The following PTPRC variants were observed in gnomAD, a reference collection of about 807,000 sequenced individuals.
PTPRC encodes receptor-type tyrosine-protein phosphatase C.
A neutral mutation model predicts 155.9 loss-of-function variants in PTPRC; 44 were observed. The ratio of observed to expected loss-of-function variants is 0.28; its 90% confidence interval spans 0.22 to 0.36. PTPRC has a LOEUF of 0.36. PTPRC is among the 10% of genes least tolerant of loss of function. The probability of loss-of-function intolerance (pLI) is 1.00; values close to 1 mark genes in which losing one functional copy is unlikely to be tolerated. For synonymous variants in PTPRC, 525 were observed against 533.1 expected (o/e 0.98, Z 0.21); for missense variants, 1,401 against 1,564.6 (o/e 0.90, Z 1.76).
chr1:198,752,390 G>A lies in PTPRC; in HGVS notation c.3330+19G>A, dbSNP rs772591207. The A allele has an allele frequency of 5.0e-6, 8 of 1,611,962 alleles. No individual in the cohort carries two copies. Among genetic ancestry groups the A allele is most frequent in the Non-Finnish European group, 6.8e-6 (8 of 1,178,672 alleles). Reference sequence around the variant, plus strand: ...TTCCAAGGTATGGAAACAATTTGGGGAGTATATTTCTTTGATATAATGGAT... The same window carrying A: ...TTCCAAGGTATGGAAACAATTTGGGAAGTATATTTCTTTGATATAATGGAT... On this transcript the variant is annotated intron_variant, in intron 30 of 32. Coordinates refer to ENST00000442510, the MANE Select transcript of PTPRC (RefSeq NM_002838.5).
At chr1:198,736,056 G>T (rs968341376) in intron 23 of PTPRC, among the ~76,000 whole-genome samples, 3 of 151,250 alleles carry the variant, frequency 2.0e-5, no homozygotes, top group African/African-American at 7.3e-5. Flanking sequence ...TTAATTTTTT[G>T]GGGTACATGG....
intron 17 of PTPRC, among the ~76,000 whole-genome samples, chr1:198,730,627 A>G (rs1654342709): frequency 6.6e-6 from 1 of 152,154 alleles, no homozygotes; most frequent in African/African-American, 2.4e-5. Flanking sequence ...GTGGACTTGG[A>G]AAGTGTCAAT....
intron 7 of PTPRC, 23 bp from the exon 8 acceptor site, chr1:198,704,449 T>C: frequency 1.2e-6 from 2 of 1,613,828 alleles, no homozygotes; most frequent in East Asian, 4.5e-5. Context: ...TTTAATAATT[T>C]ACATTTTTTT....
At chr1:198,695,182 T>C in intron 3 of PTPRC, 1 of 878,038 alleles carries the variant, frequency 1.1e-6, no homozygotes, top group Non-Finnish European at 1.4e-6. Context: ...TCATACTATT[T>C]CCATTTTCTT....
chr1:198,652,933 A>T (rs1053750496), intron 2 of PTPRC, among the ~76,000 whole-genome samples: 3 of 151,842 alleles, frequency 2.0e-5, no homozygotes, highest in African/African-American at 7.2e-5. Flanking sequence ...GGCAAGTGGA[A>T]CCTCAAAATT....
At chr1:198,653,895 A>T (rs997891646) in intron 2 of PTPRC, among the ~76,000 whole-genome samples, 1 of 151,878 alleles carries the variant, frequency 6.6e-6, no homozygotes. Flanking sequence ...GAATTTTATC[A>T]GAGGTAACGC....
intron 32 of PTPRC, among the ~76,000 whole-genome samples, chr1:198,754,849 G>A (rs905573641): frequency 4.6e-5 from 7 of 152,242 alleles, no homozygotes; most frequent in Middle Eastern, 3.4e-3. Context: ...TGACTCATGT[G>A]TCTGCCTTCA....
Position 198,716,658 on chromosome 1 carries a change from AT to A in PTPRC, c.1292-16del, listed in dbSNP as rs771878708. 1.0e-5 allele frequency: 16 copies of A among 1,604,840 alleles called. No homozygotes were observed. In the Admixed American group the frequency reaches 1.0e-4, roughly 10 times the overall value. On this transcript the variant is annotated intron_variant, in intron 12 of 32. Transcript: ENST00000442510. The stretch of plus-strand genomic sequence containing the variant: ...AGTACTGACTTTTAACGACTTACTA[AT>A]TTTTTTTCACATTTTTCCTCAGAAA...
intron 31 of PTPRC, among the ~76,000 whole-genome samples, chr1:198,753,386 T>TGAAA (rs1281300873): frequency 2.0e-5 from 3 of 151,792 alleles, no homozygotes; most frequent in Admixed American, 1.3e-4. Context: ...GCAATATAAT[T>TGAAA]GAAAGAAAGA....
chr1:198,652,146 G>C (rs1663287698), intron 2 of PTPRC, among the ~76,000 whole-genome samples: 1 of 151,826 alleles, frequency 6.6e-6, no homozygotes, highest in African/African-American at 2.4e-5. Flanking sequence ...TCAATAGTGA[G>C]AATGTATTGA....
At chr1:198,719,148 T>C (rs1653751030) in intron 14 of PTPRC, among the ~76,000 whole-genome samples, 1 of 151,732 alleles carries the variant, frequency 6.6e-6, no homozygotes, top group South Asian at 2.1e-4. Flanking sequence ...GATATGTAAC[T>C]TTTTTTTTCT....
chr1:198,744,620 G>T (rs1006914401), intron 26 of PTPRC, among the ~76,000 whole-genome samples: 2 of 151,828 alleles, frequency 1.3e-5, no homozygotes, highest in African/African-American at 2.4e-5. Flanking sequence ...GGCTGGAGCT[G>T]GTAGACACAC....
At chr1:198,659,212 T>A (rs1042573772) in intron 2 of PTPRC, among the ~76,000 whole-genome samples, 2 of 152,156 alleles carry the variant, frequency 1.3e-5, no homozygotes, top group African/African-American at 2.4e-5. Context: ...AGCTTCTTCA[T>A]GTTTTGATTT....
intron 3 of PTPRC, chr1:198,693,867 A>G (rs1046805156): frequency 2.0e-6 from 2 of 1,013,040 alleles, no homozygotes; most frequent in Non-Finnish European, 2.6e-6. Flanking sequence ...GCTTGGCTAG[A>G]AGTAATCTTT....
chr1:198,676,153 T>C (rs1664937946), intron 2 of PTPRC, among the ~76,000 whole-genome samples: 1 of 152,238 alleles, frequency 6.6e-6, no homozygotes, highest in Admixed American at 6.5e-5. Flanking sequence ...ATTCAATACA[T>C]GGAGTATTAA....
chr1:198,738,058 G>A (rs941270133), intron 23 of PTPRC, among the ~76,000 whole-genome samples: 1 of 151,674 alleles, frequency 6.6e-6, no homozygotes, highest in Non-Finnish European at 1.5e-5. Flanking sequence ...GTTTTTTGGT[G>A]GAGTATTTAG....
chr1:198,665,214 C>T (rs571226872), intron 2 of PTPRC, among the ~76,000 whole-genome samples: 18 of 150,610 alleles, frequency 1.2e-4, no homozygotes, highest in African/African-American at 4.4e-4. Flanking sequence ...CTCAGCCTCC[C>T]GAGTAGGGGG....
intron 2 of PTPRC, among the ~76,000 whole-genome samples, chr1:198,651,436 G>A (rs558925788): frequency 1.3e-3 from 195 of 151,646 alleles, no homozygotes; most frequent in African/African-American, 4.5e-3. Flanking sequence ...ATCTAATATC[G>A]TGAAAATTAA....
intron 2 of PTPRC, among the ~76,000 whole-genome samples, chr1:198,683,675 A>C (rs1665463187): frequency 6.6e-6 from 1 of 152,092 alleles, no homozygotes; most frequent in African/African-American, 2.4e-5. Context: ...CTACTAAATC[A>C]GATTTTCCAG....
Sources: allele counts gnomAD v4.1 joint callset (sites outside exome capture counted in the v4.1 genomes callset), GRCh38; gene constraint gnomAD v4.1.1; transcripts MANE v1.5; gene names NCBI Gene and HGNC (gene_info 2026-07-23, HGNC 2026-07-21).